Variants in OXR1 observed in about 807,000 individuals in gnomAD.
OXR1 encodes the protein oxidation resistance protein 1.
A neutral mutation model predicts 104.6 loss-of-function variants in OXR1; 41 were observed. That is an observed-to-expected ratio of 0.39 (90% confidence interval 0.31 to 0.51). OXR1 has a LOEUF of 0.51. Among genes scored for constraint, OXR1 ranks in the 20% least tolerant of loss-of-function variants. OXR1 has a pLI of 0.77. For missense variants in OXR1, 955 were observed against 1,031.9 expected (o/e 0.93, Z 1.02); for synonymous variants, 348 against 348.4 (o/e 1.00, Z 0.01).
chr8:106,595,460 G>A (rs1015998663), intron 3 of OXR1, among the ~76,000 whole-genome samples: 1 of 144,898 alleles, frequency 6.9e-6, no homozygotes, highest in African/African-American at 2.6e-5. Flanking sequence ...TGAGGCAGGA[G>A]AATCACTCGA....
chr8:106,332,498 T>C (rs182476318), intron 1 of OXR1, among the ~76,000 whole-genome samples: 1 of 152,320 alleles, frequency 6.6e-6, no homozygotes, highest in East Asian at 1.9e-4. Flanking sequence ...AAGATAAAGC[T>C]AGGTTTTGGA....
At chr8:106,657,900 TG>T (rs1825292667) in intron 3 of OXR1, 2 of 1,246,246 alleles carry the variant, frequency 1.6e-6, no homozygotes, top group Non-Finnish European at 2.0e-6. Context: ...TCAGGTCTGA[TG>T]GGCCGGTGGG....
At chr8:106,655,186 G>A (rs940555682) in intron 3 of OXR1, among the ~76,000 whole-genome samples, 1 of 152,034 alleles carries the variant, frequency 6.6e-6, no homozygotes, top group Non-Finnish European at 1.5e-5. Context: ...TTGTGGTGAT[G>A]GAAATGCTCA....
chr8:106,468,523 C>T (rs116824819), intron 2 of OXR1, among the ~76,000 whole-genome samples: 1,706 of 151,664 alleles, frequency 0.011, 30 homozygotes, highest in African/African-American at 0.039. Flanking sequence ...TGAAGGAGAA[C>T]AAGTATGTCA....
At chr8:106,424,980 C>T (rs143469650) in intron 2 of OXR1, among the ~76,000 whole-genome samples, 1 of 146,906 alleles carries the variant, frequency 6.8e-6, no homozygotes, top group Non-Finnish European at 1.5e-5. Context: ...CATCATTAAT[C>T]AAAAAAATAA....
intron 14 of OXR1, among the ~76,000 whole-genome samples, chr8:106,741,714 G>T (rs1175069648): frequency 1.3e-5 from 2 of 151,962 alleles, no homozygotes; most frequent in Non-Finnish European, 2.9e-5. Context: ...AGGGTACTGT[G>T]TGTCTTGTAT....
chr8:106,751,791 A>G lies in OXR1; in HGVS notation c.*850A>G, dbSNP rs575908831. 7 of 152,636 alleles carry G rather than the reference A, an allele frequency of 4.6e-5. No individual in the cohort carries two copies. In the South Asian group the frequency reaches 1.5e-3, roughly 32 times the overall value. 9.5% of individuals were successfully genotyped at this position (152,636 alleles called of 1,614,324 possible). On this transcript the variant is annotated 3_prime_UTR_variant, in exon 17 of 17. Coordinates refer to ENST00000517566, the MANE Select transcript of OXR1 (RefSeq NM_001198533.2). ...ATTTCCTCAACATACTGTGTCAGGT[A>G]TACTGTTTTATAATTTGGTTGTTTT...
chr8:106,274,893 T>C (rs535568825), intron 1 of OXR1, among the ~76,000 whole-genome samples: 1 of 152,338 alleles, frequency 6.6e-6, no homozygotes, highest in African/African-American at 2.4e-5. Context: ...GCACCTGTCA[T>C]TGGACTACGT....
At chr8:106,409,779 A>G (rs1425031355) in intron 2 of OXR1, among the ~76,000 whole-genome samples, 1 of 152,196 alleles carries the variant, frequency 6.6e-6, no homozygotes, top group Non-Finnish European at 1.5e-5. Flanking sequence ...TCTTTTCTGG[A>G]GTACATAAAA....
chr8:106,497,859 A>G (rs566194292), intron 2 of OXR1, among the ~76,000 whole-genome samples: 3 of 152,146 alleles, frequency 2.0e-5, no homozygotes, highest in East Asian at 3.9e-4. Flanking sequence ...GAGGCCAAAC[A>G]TATGTTTCAC....
chr8:106,353,563 A>G (rs1030053850), intron 1 of OXR1, among the ~76,000 whole-genome samples: 2 of 151,978 alleles, frequency 1.3e-5, no homozygotes, highest in Admixed American at 1.3e-4. Context: ...TGTTGCTAAC[A>G]TTTTATTTTG....
chr8:106,715,154 A>T (rs1832109296), intron 11 of OXR1, among the ~76,000 whole-genome samples: 1 of 152,086 alleles, frequency 6.6e-6, no homozygotes, highest in Admixed American at 6.6e-5. Context: ...GGTACAGGCA[A>T]TGACATGGAT....
At chr8:106,399,587 T>C (rs1320909091) in intron 2 of OXR1, among the ~76,000 whole-genome samples, 1 of 152,194 alleles carries the variant, frequency 6.6e-6, no homozygotes, top group Non-Finnish European at 1.5e-5. Context: ...AAGTATTATA[T>C]GTGACATTCA....
chr8:106,510,437 TA>T (rs759307007), intron 2 of OXR1, among the ~76,000 whole-genome samples: 1 of 152,174 alleles, frequency 6.6e-6, no homozygotes, highest in African/African-American at 2.4e-5. Context: ...AATTGGAATA[TA>T]AACAAACCAG....
At chr8:106,320,543 G>A (rs1210165657) in intron 1 of OXR1, among the ~76,000 whole-genome samples, 1 of 152,144 alleles carries the variant, frequency 6.6e-6, no homozygotes, top group Non-Finnish European at 1.5e-5. Context: ...TAGTATTTTA[G>A]CAGTTAAGAA....
chr8:106,284,043 G>C (rs1293962639), intron 1 of OXR1, among the ~76,000 whole-genome samples: 1 of 151,924 alleles, frequency 6.6e-6, no homozygotes. Context: ...AAATGCTGAG[G>C]ATCCAAGTAT....
At chr8:106,514,820 T>C (rs10106479) in intron 2 of OXR1, among the ~76,000 whole-genome samples, 3,340 of 152,160 alleles carry the variant, frequency 0.022, 138 homozygotes, top group African/African-American at 0.075. Context: ...AGGTAAAACA[T>C]TTATAAAATG....
chr8:106,492,136 T>C (rs554013372), intron 2 of OXR1, among the ~76,000 whole-genome samples: 1 of 152,310 alleles, frequency 6.6e-6, no homozygotes, highest in African/African-American at 2.4e-5. Context: ...GTGTTTTCTT[T>C]GAAAATTTAA....
chr8:106,696,800 A>C (rs556682765), intron 7 of OXR1, among the ~76,000 whole-genome samples: 1 of 152,240 alleles, frequency 6.6e-6, no homozygotes, highest in East Asian at 1.9e-4. Flanking sequence ...AGACCATGGT[A>C]GGCAGCCCTC....
Sources: allele counts gnomAD v4.1 joint callset (sites outside exome capture counted in the v4.1 genomes callset), GRCh38; gene constraint gnomAD v4.1.1; transcripts MANE v1.5; gene names NCBI Gene and HGNC (gene_info 2026-07-23, HGNC 2026-07-21).